COL4A5: variants seen among roughly 807,000 people sequenced by gnomAD.
The protein encoded by COL4A5 is collagen alpha-5(IV) chain.
COL4A5 carries 26 observed loss-of-function variants against 130.2 expected under a neutral mutation model. That is an observed-to-expected ratio of 0.20 (90% CI 0.15 to 0.28). The LOEUF (loss-of-function observed/expected upper bound fraction) is 0.28, where lower values mean the gene tolerates loss of function less well. Ranked by LOEUF, COL4A5 falls within the 10% of genes least tolerant of loss-of-function variation. COL4A5 has a pLI of 1.00. For missense variants in COL4A5, 1,131 were observed against 1,344.3 expected, an observed-to-expected ratio of 0.84 and a Z score of 2.48; for synonymous variants, 496 against 439.6, an observed-to-expected ratio of 1.13 and a Z score of -1.60.
At chrX:108,671,175 ATGTT>A (rs2068199336) in intron 42 of COL4A5, among the ~76,000 whole-genome samples, 1 of 111,840 alleles carries the variant, frequency 8.9e-6, no homozygotes, top group Non-Finnish European at 1.9e-5. Flanking sequence ...TTAGTGAAAG[ATGTT>A]TGTTTACCTA....
intron 34 of COL4A5, among the ~76,000 whole-genome samples, chrX:108,625,433 T>A (rs1203030528): frequency 8.9e-6 from 1 of 112,294 alleles, no homozygotes. Context: ...CTTCAGGTGA[T>A]TGGAATTGTT....
intron 1 of COL4A5, among the ~76,000 whole-genome samples, chrX:108,506,043 T>C (rs2065120354): frequency 8.9e-6 from 1 of 112,216 alleles, no homozygotes; most frequent in African/African-American, 3.2e-5. Flanking sequence ...ATTTCAAATA[T>C]TGTTGTCACT....
chrX:108,451,479 T>G (rs1265784026), intron 1 of COL4A5, among the ~76,000 whole-genome samples: 1 of 112,109 alleles, frequency 8.9e-6, no homozygotes, highest in Non-Finnish European at 1.9e-5. Flanking sequence ...AAAGTGTTCG[T>G]ATTTCTCCAC....
At chrX:108,674,677 T>C in intron 42 of COL4A5, 68 bp from the exon 43 acceptor site, 1 of 1,056,377 alleles carries the variant, frequency 9.5e-7, no homozygotes, top group Non-Finnish European at 1.3e-6. Flanking sequence ...TAATCTTATT[T>C]TGTACTGTGT....
rs201441203 is a variant in COL4A5 at position 108,637,521 on chromosome X, A to G, written c.3246+11172A>G. 2.7e-5 allele frequency among the ~76,000 whole-genome samples: 3 copies of G among 112,086 alleles called. No homozygotes were observed. The East Asian group carries it at 8.4e-4, about 32-fold the overall frequency. ...CAAAACTAAAAGTTGTTTCTTCAAA[A>G]AGATAACAAAATAGAAAAAGTTTTA... On this transcript the variant is annotated intron_variant, in intron 36 of 52. Coordinates refer to ENST00000328300, the MANE Select transcript of COL4A5 (RefSeq NM_033380.3).
chrX:108,625,159 C>G (rs948331452), intron 34 of COL4A5, among the ~76,000 whole-genome samples: 4 of 112,471 alleles, frequency 3.6e-5, no homozygotes, highest in African/African-American at 1.3e-4. Context: ...AGCTCAAGCA[C>G]CTATGTGCTA....
At chrX:108,471,806 C>T (rs775944985) in intron 1 of COL4A5, among the ~76,000 whole-genome samples, 4 of 111,127 alleles carry the variant, frequency 3.6e-5, no homozygotes, top group South Asian at 3.8e-4. Context: ...TTGATTGTCT[C>T]GATTGTTTTT....
At chrX:108,527,945 C>T (rs758536132) in intron 1 of COL4A5, among the ~76,000 whole-genome samples, 97 of 111,757 alleles carry the variant, frequency 8.7e-4, no homozygotes, top group Non-Finnish European at 2.8e-4. Flanking sequence ...GACAATTGTC[C>T]GTCCACTGCT....
At chrX:108,626,507 AGAT>A (rs755587312) in intron 36 of COL4A5, 158 bp downstream of exon 36, 1 of 1,156,833 alleles carries the variant, frequency 8.6e-7, no homozygotes, top group East Asian at 3.2e-5. Context: ...GATGATAAGA[AGAT>A]ATGTTTTAGG....
intron 1 of COL4A5, among the ~76,000 whole-genome samples, chrX:108,526,640 CT>C (rs1404970336): frequency 3.1e-3 from 177 of 56,250 alleles, no homozygotes; most frequent in African/African-American, 0.014. Context: ...TTCTTTCTTT[CT>C]TTCTTTCTTT....
intron 1 of COL4A5, among the ~76,000 whole-genome samples, chrX:108,470,253 C>T (rs550855258): frequency 1.8e-5 from 2 of 112,585 alleles, no homozygotes; most frequent in East Asian, 2.8e-4. Flanking sequence ...CATACATTTA[C>T]ACCAACGGTG....
intron 36 of COL4A5, among the ~76,000 whole-genome samples, chrX:108,631,451 C>T: frequency 9.0e-6 from 1 of 110,793 alleles, no homozygotes; most frequent in Admixed American, 9.7e-5. Flanking sequence ...ATTTGGCTCT[C>T]TGCTTGTCTG....
At chrX:108,511,622 A>G (rs1007077679) in intron 1 of COL4A5, among the ~76,000 whole-genome samples, 2 of 111,901 alleles carry the variant, frequency 1.8e-5, no homozygotes, top group African/African-American at 3.2e-5. Flanking sequence ...ACATAAATCA[A>G]TGGAGTAGAG....
intron 1 of COL4A5, among the ~76,000 whole-genome samples, chrX:108,443,372 T>A (rs2064420658): frequency 8.9e-6 from 1 of 112,206 alleles, no homozygotes; most frequent in Admixed American, 9.4e-5. Context: ...GAAGGAAGAT[T>A]TGCCTTATGA....
intron 1 of COL4A5, among the ~76,000 whole-genome samples, chrX:108,508,936 A>C (rs1767654780): frequency 8.9e-6 from 1 of 112,336 alleles, no homozygotes; most frequent in Non-Finnish European, 1.9e-5. Context: ...AATTAAATGT[A>C]AAACTCAAAA....
chrX:108,550,912 A>T (rs1171179598), intron 2 of COL4A5, among the ~76,000 whole-genome samples: 1 of 111,547 alleles, frequency 9.0e-6, no homozygotes, highest in Non-Finnish European at 1.9e-5. Context: ...CCTGTTCAAT[A>T]AATGGTGCTG....
At chrX:108,630,683 G>C (rs192761077) in intron 36 of COL4A5, among the ~76,000 whole-genome samples, 1 of 111,615 alleles carries the variant, frequency 9.0e-6, no homozygotes, top group African/African-American at 3.3e-5. Context: ...GTCTATTTTG[G>C]CTTTTGTTGC....
rs183423337 is a variant in COL4A5 at position 108,478,971 on chromosome X, G to A, written c.81+38765G>A. On this transcript the variant is annotated intron_variant, in intron 1 of 52. Transcript: ENST00000328300. ...TTTTGGTCTCTGCTGCTGGCAAATTGGGCACTCAGCAGAGGCTGTAGCCAG... is the reference window on the plus strand; with the variant it reads ...TTTTGGTCTCTGCTGCTGGCAAATTAGGCACTCAGCAGAGGCTGTAGCCAG... Among the ~76,000 whole-genome samples the A allele has an allele frequency of 5.4e-5, 6 of 111,852 alleles. No individual in the cohort carries two copies. In the East Asian group the frequency reaches 1.7e-3, roughly 32 times the overall value.
At chrX:108,555,029 C>A (rs1448567999) in intron 2 of COL4A5, among the ~76,000 whole-genome samples, 1 of 112,287 alleles carries the variant, frequency 8.9e-6, no homozygotes, top group Non-Finnish European at 1.9e-5. Flanking sequence ...GAAATGTGTC[C>A]AAGTGCATAT....
Sources: allele counts gnomAD v4.1 joint callset (sites outside exome capture counted in the v4.1 genomes callset), GRCh38; gene constraint gnomAD v4.1.1; transcripts MANE v1.5; gene names NCBI Gene and HGNC (gene_info 2026-07-23, HGNC 2026-07-21).